The following CREB5 variants were observed in gnomAD, a reference collection of about 807,000 sequenced individuals.
CREB5 encodes the protein cyclic AMP-responsive element-binding protein 5.
Under a neutral mutation model 57.1 loss-of-function variants are expected in CREB5, and 19 were observed. That is an observed-to-expected ratio of 0.33 (90% confidence interval 0.23 to 0.49). CREB5 has a LOEUF of 0.49. CREB5 is among the 20% of genes least tolerant of loss of function. CREB5 has a pLI of 0.99. For missense variants in CREB5, 579 were observed against 671.6 expected (o/e 0.86, Z 1.52); for synonymous variants, 238 against 238.3 (o/e 1.00, Z 0.01).
At chr7:28,749,661 A>G (rs1422347485) in intron 7 of CREB5, 3 of 152,238 alleles carry the variant, frequency 2.0e-5, no homozygotes, top group Non-Finnish European at 1.5e-5. Context: ...CTGGTTTTAA[A>G]TCAGTCATCT....
At chr7:28,544,486 C>T (rs1323290756) in intron 4 of CREB5, among the ~76,000 whole-genome samples, 1 of 152,204 alleles carries the variant, frequency 6.6e-6, no homozygotes, top group Non-Finnish European at 1.5e-5. Flanking sequence ...AACTTTTGCT[C>T]CATTAGACTT....
chr7:28,628,657 G>T (rs1021375382), intron 5 of CREB5, among the ~76,000 whole-genome samples: 1 of 152,086 alleles, frequency 6.6e-6, no homozygotes, highest in Non-Finnish European at 1.5e-5. Flanking sequence ...CAAGGGGTGG[G>T]CTCTTAGGGT....
At chr7:28,492,942 A>AG (rs1372206048) in intron 2 of CREB5, among the ~76,000 whole-genome samples, 6 of 151,590 alleles carry the variant, frequency 4.0e-5, no homozygotes, top group Non-Finnish European at 8.8e-5. Context: ...CCAGTAGCAA[A>AG]AAATCATGTC....
At chr7:28,710,381 A>G (rs1562588110) in intron 5 of CREB5, among the ~76,000 whole-genome samples, 1 of 152,376 alleles carries the variant, frequency 6.6e-6, no homozygotes, top group East Asian at 1.9e-4. Context: ...ACTAGGTACC[A>G]TGTACTCTCT....
intron 7 of CREB5, among the ~76,000 whole-genome samples, chr7:28,751,405 A>G (rs1804967465): frequency 6.6e-6 from 1 of 152,084 alleles, no homozygotes; most frequent in South Asian, 2.1e-4. Flanking sequence ...TTTGTCTATA[A>G]TGTGTTCTCA....
intron 7 of CREB5, among the ~76,000 whole-genome samples, chr7:28,787,785 C>T (rs980327794): frequency 6.6e-6 from 1 of 152,144 alleles, no homozygotes; most frequent in African/African-American, 2.4e-5. Context: ...AACTCCTAGG[C>T]TCAAGCAATC....
rs1583828334 is a variant in CREB5, at chr7:28,824,116, A to G, written c.*4837A>G. The G allele has an allele frequency of 6.6e-6, 1 of 152,272 alleles. No homozygotes were observed. Among genetic ancestry groups the G allele is most frequent in the Non-Finnish European group, 1.5e-5 (1 of 68,014 alleles). The allele number at this position is 152,272 out of a possible 1,614,324, so 9.4% of individuals were successfully genotyped here. ...TACTTTACAGATATTTGCACCAGGT[A>G]CATTTATGTGCGTCCATTGGTAGCA... On this transcript the variant is annotated 3_prime_UTR_variant, in exon 11 of 11. Transcript: ENST00000357727.
chr7:28,321,530 G>A (rs548891192), intron 1 of CREB5, among the ~76,000 whole-genome samples: 101 of 152,330 alleles, frequency 6.6e-4, no homozygotes, highest in African/African-American at 2.4e-3. Flanking sequence ...AGACTCACAA[G>A]TGCCTGGAGT....
chr7:28,541,842 A>G (rs966571198), intron 4 of CREB5, among the ~76,000 whole-genome samples: 9 of 152,128 alleles, frequency 5.9e-5, no homozygotes, highest in Non-Finnish European at 1.3e-4. Context: ...CTTTGTCTCA[A>G]TGGCTTCTAC....
At chr7:28,445,618 C>A (rs1162400506) in intron 1 of CREB5, among the ~76,000 whole-genome samples, 1 of 151,712 alleles carries the variant, frequency 6.6e-6, no homozygotes, top group African/African-American at 2.4e-5. Context: ...GTGGCGCGAT[C>A]TCGGCTCACT....
intron 5 of CREB5, among the ~76,000 whole-genome samples, chr7:28,675,351 T>G (rs918925575): frequency 6.6e-6 from 1 of 152,212 alleles, no homozygotes; most frequent in Non-Finnish European, 1.5e-5. Context: ...ACAGCATCCT[T>G]GTACAAAACA....
At chr7:28,331,708 G>T (rs560109530) in intron 1 of CREB5, among the ~76,000 whole-genome samples, 1 of 152,022 alleles carries the variant, frequency 6.6e-6, no homozygotes, top group Admixed American at 6.6e-5. Flanking sequence ...AATTAGCTGG[G>T]TGTGGTGGCT....
chr7:28,736,383 G>A (rs964204261), intron 7 of CREB5, among the ~76,000 whole-genome samples: 6 of 151,766 alleles, frequency 4.0e-5, no homozygotes, highest in Admixed American at 1.3e-4. Context: ...TGTTCAGGCT[G>A]GTCTCGAACT....
intron 1 of CREB5, among the ~76,000 whole-genome samples, chr7:28,470,911 T>C (rs926801330): frequency 6.6e-6 from 1 of 152,212 alleles, no homozygotes; most frequent in African/African-American, 2.4e-5. Flanking sequence ...TTTTGCCCAA[T>C]TTTTTAATTG....
intron 1 of CREB5, among the ~76,000 whole-genome samples, chr7:28,386,680 G>A (rs1787111168): frequency 6.6e-6 from 1 of 152,106 alleles, no homozygotes; most frequent in Non-Finnish European, 1.5e-5. Context: ...TTTCTCTTAA[G>A]TATTCTTTGC....
At chr7:28,487,301 G>A (rs1000407748) in intron 1 of CREB5, among the ~76,000 whole-genome samples, 11 of 152,078 alleles carry the variant, frequency 7.2e-5, no homozygotes, top group Non-Finnish European at 1.5e-4. Flanking sequence ...TTACATTATC[G>A]ATCCAACATT....
intron 1 of CREB5, among the ~76,000 whole-genome samples, chr7:28,347,627 C>T (rs1344572902): frequency 6.6e-6 from 1 of 152,120 alleles, no homozygotes; most frequent in Non-Finnish European, 1.5e-5. Flanking sequence ...ACTAACCCTG[C>T]CCCGCTCCCC....
chr7:28,410,110 T>A (rs1024281454), upstream of CREB5: 10 of 385,568 alleles, frequency 2.6e-5, no homozygotes, highest in African/African-American at 2.1e-4. Flanking sequence ...GGTGCGGAGC[T>A]GCAGCTGCCA....
chr7:28,641,028 C>T (rs1408775366), intron 5 of CREB5, among the ~76,000 whole-genome samples: 1 of 152,172 alleles, frequency 6.6e-6, no homozygotes, highest in East Asian at 1.9e-4. Context: ...GATTGAGTGT[C>T]ATCCTGAACG....
Sources: allele counts gnomAD v4.1 joint callset (sites outside exome capture counted in the v4.1 genomes callset), GRCh38; gene constraint gnomAD v4.1.1; transcripts MANE v1.5; gene names NCBI Gene and HGNC (gene_info 2026-07-23, HGNC 2026-07-21).